The following GAS2 variants were observed in gnomAD, a reference collection of about 807,000 sequenced individuals.
GAS2 encodes the protein growth arrest specific 2.
Under a neutral mutation model 37.5 loss-of-function variants are expected in GAS2, and 20 were observed. The observed-to-expected ratio is 0.53, with a 90% CI of 0.37 to 0.77. The LOEUF (loss-of-function observed/expected upper bound fraction) is 0.77, where lower values mean the gene tolerates loss of function less well. Among genes scored for constraint, GAS2 ranks in the 30% least tolerant of loss-of-function variants. The pLI, the probability that GAS2 is intolerant of heterozygous loss-of-function variation, is 0.00. For synonymous variants in GAS2, 144 were observed against 132.2 expected (o/e 1.09, Z -0.61); for missense variants, 336 against 373.4 (o/e 0.90, Z 0.82).
intron 3 of GAS2, among the ~76,000 whole-genome samples, chr11:22,711,247 C>A (rs779772688): frequency 6.6e-6 from 1 of 152,098 alleles, no homozygotes; most frequent in African/African-American, 2.4e-5. Context: ...TTACTTAGAG[C>A]CAAAACAGAT....
At chr11:22,728,755 T>C (rs1380115277) in intron 4 of GAS2, among the ~76,000 whole-genome samples, 1 of 151,890 alleles carries the variant, frequency 6.6e-6, no homozygotes, top group Non-Finnish European at 1.5e-5. Flanking sequence ...GTCAATATTA[T>C]GGCATTGACT....
At chr11:22,684,798 G>A (rs1849859935) in intron 2 of GAS2, among the ~76,000 whole-genome samples, 1 of 152,116 alleles carries the variant, frequency 6.6e-6, no homozygotes, top group South Asian at 2.1e-4. Context: ...TCTAACTCAC[G>A]AGCTCAAGCA....
chr11:22,665,381 G>A (rs1390338826), upstream of GAS2, among the ~76,000 whole-genome samples: 8 of 152,062 alleles, frequency 5.3e-5, no homozygotes, highest in Non-Finnish European at 1.2e-4. Flanking sequence ...AAAATTCTTT[G>A]TTGGGGCTCT....
intron 3 of GAS2, among the ~76,000 whole-genome samples, chr11:22,715,502 A>G (rs1311793141): frequency 1.3e-5 from 2 of 150,846 alleles, no homozygotes; most frequent in Admixed American, 1.3e-4. Flanking sequence ...AAGAAAAGAA[A>G]CAAAACAAGA....
Position 22,645,500 on chromosome 11 carries a change from C to T in GAS2, c.-21+19687C>T, listed in dbSNP as rs191930571. On this transcript the variant is annotated intron_variant, in intron 1 of 5. Transcript: ENST00000528582. ...CCAGCCCGGGTGACAGAGTGACTGT[C>T]TTAAAAATATATATATATATACACA... 2.3e-4 allele frequency among the ~76,000 whole-genome samples: 35 copies of T among 151,424 alleles called. No individual in the cohort carries two copies. The East Asian group carries it at 6.2e-3, about 27-fold the overall frequency.
At chr11:22,646,830 A>C (rs1294608616) in intron 1 of GAS2, among the ~76,000 whole-genome samples, 1 of 145,100 alleles carries the variant, frequency 6.9e-6, no homozygotes. Context: ...CCCTCCCTCC[A>C]TCTTCCTTCC....
At chr11:22,781,770 A>G (rs1855567189) in intron 7 of GAS2, among the ~76,000 whole-genome samples, 1 of 150,368 alleles carries the variant, frequency 6.7e-6, no homozygotes, top group South Asian at 2.1e-4. Context: ...ATTGTTTTTT[A>G]TGATACTGTA....
At chr11:22,655,197 A>G (rs1364937325) in intron 1 of GAS2, among the ~76,000 whole-genome samples, 1 of 152,140 alleles carries the variant, frequency 6.6e-6, no homozygotes, top group Non-Finnish European at 1.5e-5. Flanking sequence ...TGACAGGGCC[A>G]CTGAACCTTG....
chr11:22,784,558 C>G (rs138214727), intron 7 of GAS2, among the ~76,000 whole-genome samples: 1 of 152,130 alleles, frequency 6.6e-6, no homozygotes, highest in Non-Finnish European at 1.5e-5. Context: ...ACGTTAAGAG[C>G]CTGGCATATA....
At chr11:22,752,309 G>A (rs1006580316) in intron 6 of GAS2, among the ~76,000 whole-genome samples, 1 of 151,876 alleles carries the variant, frequency 6.6e-6, no homozygotes, top group South Asian at 2.1e-4. Context: ...TTACACTGGG[G>A]AAAACTGCAT....
At chr11:22,756,332 A>G (rs1564873168) in intron 7 of GAS2, among the ~76,000 whole-genome samples, 1 of 152,230 alleles carries the variant, frequency 6.6e-6, no homozygotes, top group East Asian at 1.9e-4. Context: ...AAAAATAGAG[A>G]TACATTCCTA....
At chr11:22,646,902 C>CTTCT (rs748769935) in intron 1 of GAS2, among the ~76,000 whole-genome samples, 30 of 143,732 alleles carry the variant, frequency 2.1e-4, no homozygotes, top group Non-Finnish European at 4.3e-4. Flanking sequence ...TCTTTCTTTC[C>CTTCT]TTCTTTCTTT....
At chr11:22,652,578 G>T (rs1357842387) in intron 1 of GAS2, among the ~76,000 whole-genome samples, 2 of 152,210 alleles carry the variant, frequency 1.3e-5, no homozygotes, top group African/African-American at 2.4e-5. Flanking sequence ...GCGAGACTCC[G>T]TGGGCGTAGG....
intron 3 of GAS2, among the ~76,000 whole-genome samples, chr11:22,703,364 G>A (rs1256732577): frequency 6.6e-6 from 1 of 152,122 alleles, no homozygotes; most frequent in Admixed American, 6.6e-5. Context: ...CACTGTGGAT[G>A]TAGAATATTT....
At chr11:22,682,845 AGCCT>A (rs948363793) in intron 2 of GAS2, among the ~76,000 whole-genome samples, 4 of 131,030 alleles carry the variant, frequency 3.1e-5, no homozygotes, top group African/African-American at 1.1e-4. Flanking sequence ...ACTGCACTCC[AGCCT>A]GTGGTTAGTC....
intron 3 of GAS2, among the ~76,000 whole-genome samples, chr11:22,694,846 C>G (rs1214205557): frequency 6.6e-6 from 1 of 151,990 alleles, no homozygotes. Context: ...AACAAACAAA[C>G]AAACAAAAAA....
chr11:22,810,967 A>AG (rs1231471934), intron 7 of GAS2, among the ~76,000 whole-genome samples: 1 of 152,164 alleles, frequency 6.6e-6, no homozygotes, highest in East Asian at 1.9e-4. Context: ...TGGGCAGGAG[A>AG]GGGAGTCAGC....
At chr11:22,729,397 G>A (rs550494696) in intron 4 of GAS2, among the ~76,000 whole-genome samples, 7 of 151,958 alleles carry the variant, frequency 4.6e-5, no homozygotes, top group African/African-American at 7.2e-5. Flanking sequence ...GTGTGCAAGC[G>A]ATGAACTGGG....
At chr11:22,711,097 A>C (rs1851382443) in intron 3 of GAS2, among the ~76,000 whole-genome samples, 1 of 152,182 alleles carries the variant, frequency 6.6e-6, no homozygotes, top group Non-Finnish European at 1.5e-5. Context: ...CCTTTGAAAC[A>C]AGCAGCTTGC....
Sources: gnomAD v4.1 joint callset for allele counts (sites outside exome capture counted in the v4.1 genomes callset) on GRCh38, gnomAD v4.1.1 for gene constraint, MANE v1.5 for transcripts, NCBI Gene and HGNC (gene_info 2026-07-23, HGNC 2026-07-21) for gene names.